The following PRKCA variants were observed in gnomAD, a reference collection of about 807,000 sequenced individuals.
The protein encoded by PRKCA is protein kinase C alpha.
Under a neutral mutation model 87.0 loss-of-function variants are expected in PRKCA, and 27 were observed. The observed-to-expected ratio is 0.31, with a 90% CI of 0.23 to 0.43. PRKCA has a LOEUF of 0.43. Among genes scored for constraint, PRKCA ranks in the 20% least tolerant of loss-of-function variants. The pLI is 1.00. For missense variants in PRKCA, 518 were observed against 852.3 expected (o/e 0.61, Z 4.88); for synonymous variants, 329 against 311.1 (o/e 1.06, Z -0.61).
chr17:66,426,321 C>G (rs1912802983), intron 2 of PRKCA, among the ~76,000 whole-genome samples: 1 of 152,072 alleles, frequency 6.6e-6, no homozygotes, highest in Non-Finnish European at 1.5e-5. Flanking sequence ...TCTATAGGAA[C>G]TTTTGTAAGT....
intron 3 of PRKCA, among the ~76,000 whole-genome samples, chr17:66,503,593 A>G (rs1443089192): frequency 6.6e-6 from 1 of 152,182 alleles, no homozygotes; most frequent in Non-Finnish European, 1.5e-5. Context: ...GCTACAAACC[A>G]AAAGTGATAT....
intron 3 of PRKCA, among the ~76,000 whole-genome samples, chr17:66,502,261 G>T (rs1373715313): frequency 1.3e-5 from 2 of 151,502 alleles, no homozygotes; most frequent in Non-Finnish European, 2.9e-5. Flanking sequence ...TTGAGACAGA[G>T]TCTCGCTCTG....
At chr17:66,316,404 A>C (rs539538290) in intron 2 of PRKCA, among the ~76,000 whole-genome samples, 5 of 152,216 alleles carry the variant, frequency 3.3e-5, no homozygotes, top group African/African-American at 9.6e-5. Context: ...TTGGAAAATA[A>C]CTTCTTGTGT....
intron 13 of PRKCA, among the ~76,000 whole-genome samples, chr17:66,766,808 C>G (rs889663602): frequency 9.6e-6 from 1 of 104,400 alleles, no homozygotes; most frequent in Admixed American, 1.1e-4. Flanking sequence ...AACTCCTTCT[C>G]AAAAAAAAAA....
rs115959565 is a variant in PRKCA at position 66,715,558 on chromosome 17, G to A, written c.919-17130G>A. ...GTCAAGGGTTTGGAAAGATTCGGGA[G>A]ACACAGAAAGGCCTACAACTGTTTG... is the stretch of plus-strand genomic sequence containing the variant. On this transcript the variant is annotated intron_variant, in intron 8 of 16. Transcript: ENST00000413366. Among the ~76,000 whole-genome samples the A allele has an allele frequency of 1.0e-3, 154 of 152,276 alleles. 1 individual carries two copies. The highest frequency in any genetic ancestry group is 3.6e-3 in the African/African-American group (151 of 41,550).
intron 3 of PRKCA, among the ~76,000 whole-genome samples, chr17:66,524,749 C>T (rs772315395): frequency 6.6e-4 from 100 of 152,126 alleles, no homozygotes; most frequent in Admixed American, 1.7e-3. Context: ...CTGGAAGGTA[C>T]GCTTGCCTAT....
intron 3 of PRKCA, chr17:66,554,442 A>T: frequency 1.6e-6 from 1 of 606,428 alleles, no homozygotes; most frequent in Non-Finnish European, 2.1e-6. Context: ...TCTTGTTCCC[A>T]TTGGGGCCTG....
chr17:66,377,439 G>A (rs1909486582), intron 2 of PRKCA, among the ~76,000 whole-genome samples: 1 of 151,560 alleles, frequency 6.6e-6, no homozygotes, highest in Non-Finnish European at 1.5e-5. Context: ...AGCTAATGCA[G>A]AGCCTAGGTA....
chr17:66,363,325 C>T (rs571191801), intron 2 of PRKCA, among the ~76,000 whole-genome samples: 1 of 152,280 alleles, frequency 6.6e-6, no homozygotes, highest in South Asian at 2.1e-4. Context: ...AATCTTCTCC[C>T]ATTACAGTTG....
Position 66,689,135 on chromosome 17 carries a change from A to G in PRKCA, c.918+88A>G. On this transcript the variant is annotated intron_variant, in intron 8 of 16. Coordinates refer to ENST00000413366, the MANE Select transcript of PRKCA (RefSeq NM_002737.3). The surrounding 1 kb of genome is among the most constrained non-coding windows in gnomAD (Gnocchi z 4.1). Reference sequence around the variant, plus strand: ...GAGATGTTGTGGTCACATTTTTGAAAAGCAAAAAAAAAGTAATCTCAATGT... The same window carrying G: ...GAGATGTTGTGGTCACATTTTTGAAGAGCAAAAAAAAAGTAATCTCAATGT... 1 of 776,752 alleles carries G rather than the reference A, an allele frequency of 1.3e-6. No homozygotes were observed. Among genetic ancestry groups the G allele is most frequent in the Non-Finnish European group, 2.0e-6 (1 of 495,222 alleles). The allele number at this position is 776,752 out of a possible 1,614,324, so 48.1% of individuals were successfully genotyped here.
chr17:66,690,701 G>A lies in PRKCA; in HGVS notation c.918+1654G>A, dbSNP rs187921834. On this transcript the variant is annotated intron_variant, in intron 8 of 16. Coordinates refer to ENST00000413366, the MANE Select transcript of PRKCA (RefSeq NM_002737.3). Reference sequence around the variant, plus strand: ...AAATTAGCCGGGTTTGGTGGCATGTGCCTGTACTCCCAGCTACTCCAGAGG... The same window carrying A: ...AAATTAGCCGGGTTTGGTGGCATGTACCTGTACTCCCAGCTACTCCAGAGG... Among the ~76,000 whole-genome samples the A allele has an allele frequency of 1.6e-3, 244 of 151,606 alleles. 3 individuals are homozygous for A. Among genetic ancestry groups the A allele is most frequent in the Non-Finnish European group, 3.0e-3 (202 of 67,908 alleles).
chr17:66,562,104 AATT>A (rs1371032189), intron 3 of PRKCA, among the ~76,000 whole-genome samples: 3 of 113,204 alleles, frequency 2.7e-5, no homozygotes, highest in African/African-American at 1.0e-4. Flanking sequence ...TATATAATTA[AATT>A]ATATATATAA....
chr17:66,489,957 T>G (rs749086596), intron 2 of PRKCA, among the ~76,000 whole-genome samples: 1 of 151,872 alleles, frequency 6.6e-6, no homozygotes, highest in Non-Finnish European at 1.5e-5. Flanking sequence ...ATTTTTGTAA[T>G]TTTAGTAGAG....
chr17:66,668,428 A>G (rs1972094939), intron 5 of PRKCA, among the ~76,000 whole-genome samples: 1 of 152,168 alleles, frequency 6.6e-6, no homozygotes, highest in Non-Finnish European at 1.5e-5. Context: ...GTAATTACCA[A>G]GCACTGTGAA....
intron 2 of PRKCA, among the ~76,000 whole-genome samples, chr17:66,454,412 T>C (rs1914486022): frequency 6.6e-6 from 1 of 152,250 alleles, no homozygotes; most frequent in Non-Finnish European, 1.5e-5. Context: ...AAACATTCTT[T>C]TCTTTTTTAG....
intron 8 of PRKCA, among the ~76,000 whole-genome samples, chr17:66,717,670 A>G (rs1387371418): frequency 6.6e-6 from 1 of 152,236 alleles, no homozygotes; most frequent in Non-Finnish European, 1.5e-5. Flanking sequence ...GCCTCTGTAG[A>G]GAACAGAGCG....
At chr17:66,755,544 T>G (rs1183943949) in intron 13 of PRKCA, among the ~76,000 whole-genome samples, 1 of 152,126 alleles carries the variant, frequency 6.6e-6, no homozygotes, top group Admixed American at 6.5e-5. Flanking sequence ...TATGGCTTAT[T>G]TTATTGAAGG....
intron 2 of PRKCA, among the ~76,000 whole-genome samples, chr17:66,322,722 C>T (rs369035539): frequency 1.1e-4 from 17 of 150,566 alleles, no homozygotes; most frequent in Admixed American, 4.0e-4. Flanking sequence ...AATCCTGTCT[C>T]GGCATCCCAC....
chr17:66,538,217 A>G (rs979929001), intron 3 of PRKCA, among the ~76,000 whole-genome samples: 32 of 152,094 alleles, frequency 2.1e-4, no homozygotes, highest in African/African-American at 7.7e-4. Context: ...TGAAACTCCA[A>G]CTCTGTCACT....
Sources: gnomAD v4.1 joint callset for allele counts (sites outside exome capture counted in the v4.1 genomes callset) on GRCh38, gnomAD v4.1.1 for gene constraint, Gnocchi (gnomAD v3.1) non-coding constraint, MANE v1.5 for transcripts, NCBI Gene and HGNC (gene_info 2026-07-23, HGNC 2026-07-21) for gene names.